The following DLG2 variants were observed in gnomAD, a reference collection of about 807,000 sequenced individuals.
DLG2 encodes disks large homolog 2.
Under a neutral mutation model 132.5 loss-of-function variants are expected in DLG2, and 45 were observed. The ratio of observed to expected loss-of-function variants is 0.34; its 90% CI spans 0.27 to 0.44. DLG2 has a LOEUF of 0.44. Among genes scored for constraint, DLG2 ranks in the 20% least tolerant of loss-of-function variants. DLG2 has a pLI of 1.00. For missense variants in DLG2, 1,045 were observed against 1,196.9 expected (o/e 0.87, Z 1.87); for synonymous variants, 424 against 419.6 (o/e 1.01, Z -0.13).
chr11:83,548,132 C>A (rs774647892), intron 19 of DLG2, among the ~76,000 whole-genome samples: 1 of 152,116 alleles, frequency 6.6e-6, no homozygotes, highest in Non-Finnish European at 1.5e-5. Context: ...AGTAGAATTA[C>A]GCCCTGTAGT....
intron 3 of DLG2, among the ~76,000 whole-genome samples, chr11:85,513,794 G>A (rs1464368730): frequency 1.3e-5 from 2 of 151,824 alleles, no homozygotes; most frequent in African/African-American, 4.8e-5. Context: ...TATTTGATAT[G>A]TCTTATATTT....
chr11:84,011,483 AAATAAATT>A lies in DLG2; in HGVS notation c.920-30849_920-30842del, dbSNP rs1382889345. On this transcript the variant is annotated intron_variant, in intron 11 of 27. Transcript: ENST00000376104. ...AAGGCCTCATCTCTAATAAATAAATAAATAAATTAATTAATTAATTAATAACAAGAAAA... is the reference window on the plus strand; with the variant it reads ...AAGGCCTCATCTCTAATAAATAAATAAATTAATTAATTAATAACAAGAAAA... 3.0e-4 allele frequency among the ~76,000 whole-genome samples: 45 copies of A among 151,926 alleles called. 1 individual carries two copies. The highest frequency in any genetic ancestry group is 1.1e-3 in the Admixed American group (17 of 15,228).
chr11:84,083,449 T>C (rs1041124079), intron 10 of DLG2, among the ~76,000 whole-genome samples: 21 of 152,154 alleles, frequency 1.4e-4, no homozygotes, highest in Admixed American at 1.0e-3. Flanking sequence ...AGTCTTATTG[T>C]TTGAATGTGT....
intron 6 of DLG2, among the ~76,000 whole-genome samples, chr11:84,936,062 T>C (rs1384002643): frequency 3.9e-5 from 6 of 152,232 alleles, no homozygotes; most frequent in Non-Finnish European, 8.8e-5. Context: ...GCAATATCCT[T>C]ATCATCTGGC....
At chr11:85,162,439 A>C (rs2078104040) in intron 4 of DLG2, among the ~76,000 whole-genome samples, 1 of 152,230 alleles carries the variant, frequency 6.6e-6, no homozygotes. Context: ...TGCTGAAGGC[A>C]AAGGGAATAC....
rs530221302 is a variant in DLG2, at chr11:84,195,084, C to T, written c.574-31573G>A. Among the ~76,000 whole-genome samples the T allele has an allele frequency of 2.0e-5, 3 of 152,334 alleles. No homozygotes were observed. The East Asian group carries it at 5.8e-4, about 29-fold the overall frequency. ...TCCTCAAGCGTGGCCAGAATGGATG[C>T]TGTGGCCTGAGGTGCCCAGAGCAAG... On this transcript the variant is annotated intron_variant, in intron 8 of 27. Coordinates refer to ENST00000376104, the MANE Select transcript of DLG2 (RefSeq NM_001142699.3).
chr11:83,994,484 C>T (rs1316077245), intron 11 of DLG2, among the ~76,000 whole-genome samples: 2 of 152,144 alleles, frequency 1.3e-5, no homozygotes, highest in African/African-American at 2.4e-5. Context: ...TTCCCCCAAC[C>T]TCAGCCTCCC....
At chr11:83,666,573 T>C (rs747422174) in intron 18 of DLG2, among the ~76,000 whole-genome samples, 1 of 152,196 alleles carries the variant, frequency 6.6e-6, no homozygotes, top group Non-Finnish European at 1.5e-5. Flanking sequence ...GTGGAAACAT[T>C]GTCTTCCACA....
At chr11:84,074,785 C>T (rs925632048) in intron 10 of DLG2, among the ~76,000 whole-genome samples, 1 of 152,136 alleles carries the variant, frequency 6.6e-6, no homozygotes, top group African/African-American at 2.4e-5. Flanking sequence ...ACCTCGGCCT[C>T]CCAAAGTGTT....
chr11:83,708,539 A>G (rs2084603753), intron 18 of DLG2, among the ~76,000 whole-genome samples: 1 of 152,234 alleles, frequency 6.6e-6, no homozygotes, highest in Non-Finnish European at 1.5e-5. Flanking sequence ...AGACAATATG[A>G]TAACAAATGT....
intron 4 of DLG2, among the ~76,000 whole-genome samples, chr11:85,209,933 C>T (rs1323854600): frequency 6.6e-6 from 1 of 151,852 alleles, no homozygotes. Flanking sequence ...TTCTCCCTAC[C>T]TAGAATATCT....
At chr11:85,489,726 C>T (rs573176807) in intron 3 of DLG2, among the ~76,000 whole-genome samples, 1 of 152,028 alleles carries the variant, frequency 6.6e-6, no homozygotes, top group Non-Finnish European at 1.5e-5. Context: ...CTTCTCAGAT[C>T]ATAGTGGAAT....
chr11:83,566,024 T>C (rs2096703232), intron 19 of DLG2, among the ~76,000 whole-genome samples: 1 of 152,194 alleles, frequency 6.6e-6, no homozygotes, highest in South Asian at 2.1e-4. Flanking sequence ...TAATAAATAA[T>C]GGCATTTTCA....
At chr11:84,948,707 C>A (rs553223375) in intron 6 of DLG2, among the ~76,000 whole-genome samples, 43 of 152,300 alleles carry the variant, frequency 2.8e-4, no homozygotes, top group African/African-American at 1.0e-3. Flanking sequence ...CAATATAAAC[C>A]TAACCTGGAT....
intron 6 of DLG2, among the ~76,000 whole-genome samples, chr11:85,072,002 G>A (rs762419716): frequency 1.3e-5 from 2 of 151,764 alleles, no homozygotes; most frequent in Non-Finnish European, 2.9e-5. Context: ...AAATGAGAAC[G>A]CATTTAATCT....
At chr11:84,012,822 T>C (rs1013453463) in intron 11 of DLG2, among the ~76,000 whole-genome samples, 3 of 152,138 alleles carry the variant, frequency 2.0e-5, no homozygotes, top group Admixed American at 2.0e-4. Flanking sequence ...TCGGGGTTAA[T>C]CTAATCGAAT....
intron 21 of DLG2, 63 bp from the exon 22 acceptor site, chr11:83,484,291 T>TGACA: frequency 8.4e-7 from 1 of 1,189,362 alleles, no homozygotes; most frequent in Non-Finnish European, 1.2e-6. Context: ...ACACTCATGC[T>TGACA]GACAAAACAA....
chr11:83,541,620 C>T, intron 20 of DLG2, 62 bp downstream of exon 20: 3 of 1,372,534 alleles, frequency 2.2e-6, no homozygotes, highest in Non-Finnish European at 2.9e-6. Flanking sequence ...CCTTCTTCTT[C>T]CCTCATCTCC....
intron 6 of DLG2, among the ~76,000 whole-genome samples, chr11:85,068,163 G>A (rs1010953391): frequency 6.6e-6 from 1 of 151,950 alleles, no homozygotes; most frequent in Non-Finnish European, 1.5e-5. Context: ...AAAATAATAA[G>A]AGCTATTTAT....
Sources: allele counts gnomAD v4.1 joint callset (sites outside exome capture counted in the v4.1 genomes callset), GRCh38; gene constraint gnomAD v4.1.1; transcripts MANE v1.5; gene names NCBI Gene and HGNC (gene_info 2026-07-23, HGNC 2026-07-21).